The following CBY2 variants were observed in gnomAD, a reference collection of about 807,000 sequenced individuals.
The protein encoded by CBY2 is chibby family member 2, also known as protein chibby homolog 2.
CBY2 carries 23 observed loss-of-function variants against 25.3 expected under a neutral mutation model. That is an observed-to-expected ratio of 0.91 (90% CI 0.65 to 1.29). CBY2 has a LOEUF of 1.29. CBY2 is among the 50% of genes most tolerant of loss of function. The probability of loss-of-function intolerance (pLI) is 0.00; values close to 1 mark genes in which losing one functional copy is unlikely to be tolerated. For missense variants in CBY2, 642 were observed against 590.7 expected, an observed-to-expected ratio of 1.09 and a Z score of -0.90; for synonymous variants, 279 against 260.2, an observed-to-expected ratio of 1.07 and a Z score of -0.70.
At chr13:45,710,545 CA>C (rs1289072001) in intron 2 of CBY2, among the ~76,000 whole-genome samples, 6 of 152,066 alleles carry the variant, frequency 3.9e-5, no homozygotes, top group Non-Finnish European at 7.3e-5. Flanking sequence ...ACAACAACAA[CA>C]AAAACCACCA....
At chr13:45,708,323 C>A (rs1280189452) in intron 2 of CBY2, among the ~76,000 whole-genome samples, 1 of 152,220 alleles carries the variant, frequency 6.6e-6, no homozygotes, top group Non-Finnish European at 1.5e-5. Flanking sequence ...CTATTCCCCA[C>A]ACCTTGCTGC....
intron 2 of CBY2, chr13:45,703,660 A>G: frequency 1.5e-6 from 2 of 1,328,790 alleles, no homozygotes; most frequent in Non-Finnish European, 1.1e-6. Flanking sequence ...CATTCCATAT[A>G]TATAATTGTA....
intron 2 of CBY2, chr13:45,703,420 C>A (rs759555651): frequency 2.2e-5 from 33 of 1,504,944 alleles, no homozygotes; most frequent in Non-Finnish European, 2.8e-5. Flanking sequence ...TCTCCTCCTG[C>A]CTGCAATCAG....
chr13:45,702,912 T>G lies in CBY2; in HGVS notation c.156+57T>G. 4 of 1,364,934 alleles carry G rather than the reference T, an allele frequency of 2.9e-6. No individual in the cohort carries two copies. The South Asian group carries it at 4.8e-5, about 16-fold the overall frequency. 84.6% of individuals were successfully genotyped at this position (1,364,934 alleles called of 1,614,324 possible). A position where few individuals can be genotyped will look rare whatever the true frequency, so the allele number is the denominator to read the frequency against. ...CAGTGTTAGCCAGAATAACCCCCCATCTCCTCCTTCAAAACTCTAGCAAGA... is the reference window on the plus strand; with the variant it reads ...CAGTGTTAGCCAGAATAACCCCCCAGCTCCTCCTTCAAAACTCTAGCAAGA... On this transcript the variant is annotated intron_variant, in intron 2 of 2. Coordinates refer to ENST00000310521, the MANE Select transcript of CBY2 (RefSeq NM_152719.3).
rs1365309702 is a variant in CBY2, at chr13:45,713,253, C to T, written c.228C>T (p.Ala76=). ...CCCCTCGCTGCGCGCAGCAGGCCGC[C>T]CTGCCCCGGCTGAGCCGCAGGATGG... ...YSTPRCAQQA[A]LPRLSRRMAS... The change falls in exon 3 of 3, where the codon GCC becomes GCT. Residue 76 remains alanine, a synonymous_variant. Transcript: ENST00000310521. This position sits in a 1 kb window ranked among gnomAD's most constrained non-coding sequence, Gnocchi z 5.0. 3.1e-6 allele frequency: 5 copies of T among 1,613,702 alleles called. No homozygotes were observed. The Admixed American group carries it at 8.3e-5, about 27-fold the overall frequency.
chr13:45,713,673 G>A lies in CBY2; in HGVS notation c.648G>A (p.Ser216=), dbSNP rs1226248034. 1.9e-6 allele frequency: 3 copies of A among 1,612,742 alleles called. No homozygotes were observed. Among genetic ancestry groups the A allele is most frequent in the Admixed American group, 1.7e-5 (1 of 60,022 alleles). The change falls in exon 3 of 3, where the codon TCG becomes TCA. Residue 216 remains serine (S), a synonymous_variant. Transcript: ENST00000310521. The surrounding 1 kb of genome is among the most constrained non-coding windows in gnomAD (Gnocchi z 5.0). ...GCCGAGAGGAGAGCCGGGCCCCCTC[G>A]CCACTGCTGCACAAAGACAGCGCGT... ...SLGREESRAP[S]PLLHKDSASL... is the part of the protein sequence containing the mutation.
At chr13:45,710,957 C>T (rs1950267018) in intron 2 of CBY2, among the ~76,000 whole-genome samples, 2 of 152,126 alleles carry the variant, frequency 1.3e-5, no homozygotes, top group South Asian at 4.2e-4. Context: ...TACACCCACA[C>T]ATATATATAT....
At chr13:45,708,879 A>G (rs1299520850) in intron 2 of CBY2, among the ~76,000 whole-genome samples, 3 of 152,200 alleles carry the variant, frequency 2.0e-5, no homozygotes, top group Non-Finnish European at 4.4e-5. Context: ...TTGGAGAAGA[A>G]TTTGGTTTCC....
chr13:45,713,503 A>G lies in CBY2; in HGVS notation c.478A>G (p.Lys160Glu), dbSNP rs758559362. The stretch of plus-strand genomic sequence containing the variant: ...CTCCTTCCACCACAAGCTGCACCAC[A>G]AGAGGCTGGCCAAGGAGTGCATGCT... The part of the protein sequence containing the change: ...SASFHHKLHH[K>E]RLAKECMLQE... The change falls in exon 3 of 3, where the codon AAG becomes GAG. Residue 160 changes from lysine to glutamate, a missense_variant. Transcript: ENST00000310521. The surrounding 1 kb of genome is among the most constrained non-coding windows in gnomAD (Gnocchi z 5.0). 6.2e-7 allele frequency: 1 copy of G among 1,614,022 alleles called. No homozygotes were observed. Among genetic ancestry groups the G allele is most frequent in the African/African-American group, 1.3e-5 (1 of 74,918 alleles).
At chr13:45,710,910 C>G (rs1950266664) in intron 2 of CBY2, among the ~76,000 whole-genome samples, 1 of 152,218 alleles carries the variant, frequency 6.6e-6, no homozygotes, top group Non-Finnish European at 1.5e-5. Context: ...TTCTAACCAA[C>G]TTTATATACC....
intron 2 of CBY2, among the ~76,000 whole-genome samples, chr13:45,710,588 A>C (rs899411721): frequency 6.6e-6 from 1 of 152,170 alleles, no homozygotes; most frequent in Non-Finnish European, 1.5e-5. Context: ...TTTGGCTTTG[A>C]CCAGTCTTCC....
chr13:45,707,634 C>T (rs937710154), intron 2 of CBY2, among the ~76,000 whole-genome samples: 2 of 152,192 alleles, frequency 1.3e-5, no homozygotes, highest in African/African-American at 4.8e-5. Context: ...GGTCACTGTG[C>T]TTAGATAATT....
At chr13:45,705,291 T>C (rs1341860567) in intron 2 of CBY2, among the ~76,000 whole-genome samples, 2 of 152,210 alleles carry the variant, frequency 1.3e-5, no homozygotes, top group Admixed American at 6.5e-5. Flanking sequence ...TCACAGACTT[T>C]CGCGTTTCCC....
At chr13:45,702,887 C>G (rs1474891335) in intron 2 of CBY2, 32 bp downstream of exon 2, 17 of 1,521,452 alleles carry the variant, frequency 1.1e-5, no homozygotes, top group African/African-American at 1.4e-5. Context: ...TGTAACCTAT[C>G]AGTGTTAGCC....
Position 45,713,118 on chromosome 13 carries a change from G to C in CBY2, c.157-64G>C. 2 of 1,351,564 alleles carry C rather than the reference G, an allele frequency of 1.5e-6. No homozygotes were observed. The highest frequency in any genetic ancestry group is 2.0e-6 in the Non-Finnish European group (2 of 991,148). The allele number at this position is 1,351,564 out of a possible 1,614,324, so 83.7% of individuals were successfully genotyped here. On this transcript the variant is annotated intron_variant, in intron 2 of 2. Transcript: ENST00000310521. The surrounding 1 kb of genome is among the most constrained non-coding windows in gnomAD (Gnocchi z 5.0). ...TATTTGGGGATGTCCTGGCCCCTTT[G>C]TCAGCCAGCCCCAAGTGTGTCAGTC...
intron 2 of CBY2, chr13:45,703,641 A>G (rs1950223990): frequency 2.8e-6 from 4 of 1,447,394 alleles, no homozygotes; most frequent in Non-Finnish European, 3.8e-6. Context: ...AGGATTGACC[A>G]CTGGTGGGCA....
Position 45,713,273 on chromosome 13 carries a change from G to T in CBY2, c.248G>T (p.Arg83Met), listed in dbSNP as rs759179261. The T allele has an allele frequency of 6.2e-7, 1 of 1,613,786 alleles. No homozygotes were observed. Residue 83 changes from arginine to methionine, a missense_variant, in exon 3 of 3, where the codon AGG becomes ATG. By Grantham distance (91) the Arg-to-Met change is moderately conservative. Coordinates refer to ENST00000310521, the MANE Select transcript of CBY2 (RefSeq NM_152719.3). The surrounding 1 kb of genome is among the most constrained non-coding windows in gnomAD (Gnocchi z 5.0). ...GCCGCCCTGCCCCGGCTGAGCCGCA[G>T]GATGGCGAGCCAGCACTCCTATCCA... ...QQAALPRLSR[R>M]MASQHSYPLN...
In CBY2 at chr13:45,713,225, G is replaced by A; in HGVS notation, c.200G>A (p.Ser67Asn). The change falls in exon 3 of 3, where the codon AGC (serine) becomes AAC (asparagine). Residue 67 changes from serine to asparagine, a missense_variant. Coordinates refer to ENST00000310521, the MANE Select transcript of CBY2 (RefSeq NM_152719.3). This position sits in a 1 kb window ranked among gnomAD's most constrained non-coding sequence, Gnocchi z 5.0. ...TTCCCGAGGCTCCACAACTTGTACA[G>A]CACCCCTCGCTGCGCGCAGCAGGCC... ...EPFPRLHNLY[S>N]TPRCAQQAAL... is the part of the protein sequence containing the mutation. 1 of 1,613,434 alleles carries A rather than the reference G, an allele frequency of 6.2e-7. No individual in the cohort carries two copies. Among genetic ancestry groups the A allele is most frequent in the Non-Finnish European group, 8.5e-7 (1 of 1,179,862 alleles).
intron 2 of CBY2, among the ~76,000 whole-genome samples, chr13:45,709,664 G>A (rs1238423129): frequency 6.6e-6 from 1 of 152,208 alleles, no homozygotes; most frequent in East Asian, 1.9e-4. Flanking sequence ...TAGGGGAGTG[G>A]TTGTGGAATC....
Sources: gnomAD v4.1 joint callset for allele counts (sites outside exome capture counted in the v4.1 genomes callset) on GRCh38, gnomAD v4.1.1 for gene constraint, Gnocchi (gnomAD v3.1) non-coding constraint, MANE v1.5 for transcripts, NCBI Gene and HGNC (gene_info 2026-07-23, HGNC 2026-07-21) for gene names.